The following HTR2A variants were observed in gnomAD, a reference collection of about 807,000 sequenced individuals.
The protein encoded by HTR2A is 5-HT2 receptor.
A neutral mutation model predicts 31.0 loss-of-function variants in HTR2A; 14 were observed. That is an observed-to-expected ratio of 0.45 (90% CI 0.30 to 0.71). The LOEUF (loss-of-function observed/expected upper bound fraction) is 0.71. HTR2A is among the 30% of genes least tolerant of loss of function. The pLI, the probability that HTR2A is intolerant of heterozygous loss-of-function variation, is 0.09. For missense variants in HTR2A, 442 were observed against 573.3 expected (o/e 0.77, Z 2.34); for synonymous variants, 209 against 225.2 (o/e 0.93, Z 0.64).
chr13:46,894,334 C>T (rs1357762504), intron 2 of HTR2A, among the ~76,000 whole-genome samples: 1 of 152,228 alleles, frequency 6.6e-6, no homozygotes. Flanking sequence ...CCTCCTACCC[C>T]CACTGGAGTT....
At position 46,895,866 on chromosome 13, in the gene HTR2A, G is replaced by T; in HGVS notation, c.41C>A (p.Thr14Asn). Residue 14 changes from threonine (T) to asparagine (N), a missense_variant, in exon 2 of 4, where the codon ACT (threonine) becomes AAT (asparagine). Physicochemically the swap from Thr to Asn is moderately conservative, Grantham distance 65. Coordinates refer to ENST00000542664, the MANE Select transcript of HTR2A (RefSeq NM_000621.5). The surrounding 1 kb of genome is among the most constrained non-coding windows in gnomAD (Gnocchi z 4.4). The stretch of plus-strand genomic sequence containing the variant: ...ATTTAATTGCATTAGGGAGTTCGTA[G>T]TTGAGCTCAAAGAAGTATTTTCTTC... ...LCEENTSLSS[T>N]TNSLMQLNDD... The T allele has an allele frequency of 2.5e-6, 4 of 1,613,158 alleles. No individual in the cohort carries two copies. The South Asian group carries it at 4.4e-5, about 18-fold the overall frequency.
At chr13:46,847,709 G>A (rs962141166) in intron 3 of HTR2A, among the ~76,000 whole-genome samples, 1 of 152,134 alleles carries the variant, frequency 6.6e-6, no homozygotes, top group African/African-American at 2.4e-5. Flanking sequence ...GTCCTGATCA[G>A]CTGACACTAT....
At chr13:46,883,631 T>C (rs1386560910) in intron 3 of HTR2A, among the ~76,000 whole-genome samples, 5 of 152,120 alleles carry the variant, frequency 3.3e-5, no homozygotes, top group Non-Finnish European at 7.4e-5. Context: ...GGAAAAAGGA[T>C]ACATCATGAA....
intron 3 of HTR2A, among the ~76,000 whole-genome samples, chr13:46,843,320 A>G (rs113036932): frequency 2.0e-5 from 3 of 152,182 alleles, no homozygotes; most frequent in Non-Finnish European, 4.4e-5. Flanking sequence ...CATAGTATAT[A>G]TAGGGTTCAG....
At chr13:46,882,240 G>A (rs199607805) in intron 3 of HTR2A, among the ~76,000 whole-genome samples, 1 of 116,394 alleles carries the variant, frequency 8.6e-6, no homozygotes, top group Non-Finnish European at 1.9e-5. Flanking sequence ...AAAAAAAAAA[G>A]AGAAAGTACT....
At chr13:46,894,790 A>T (rs898826484) in intron 2 of HTR2A, among the ~76,000 whole-genome samples, 1 of 152,198 alleles carries the variant, frequency 6.6e-6, no homozygotes, top group Non-Finnish European at 1.5e-5. Flanking sequence ...AGAAAGCAAG[A>T]TTAATCCCTT....
At chr13:46,867,594 G>C (rs912977114) in intron 3 of HTR2A, among the ~76,000 whole-genome samples, 4 of 152,228 alleles carry the variant, frequency 2.6e-5, no homozygotes, top group African/African-American at 9.6e-5. Context: ...AATCTTTCAA[G>C]ATGGAGATAG....
chr13:46,885,348 C>T (rs185948027), intron 3 of HTR2A, among the ~76,000 whole-genome samples: 19 of 152,088 alleles, frequency 1.2e-4, no homozygotes, highest in African/African-American at 3.9e-4. Context: ...GTATGGAGGG[C>T]GATTTAAAAC....
intron 3 of HTR2A, among the ~76,000 whole-genome samples, chr13:46,867,003 G>A (rs1169760905): frequency 6.6e-6 from 1 of 152,174 alleles, no homozygotes; most frequent in East Asian, 1.9e-4. Flanking sequence ...TCCAGCCTGG[G>A]TGACAAGAGT....
intron 3 of HTR2A, among the ~76,000 whole-genome samples, chr13:46,866,646 C>T (rs1950820355): frequency 6.6e-6 from 1 of 152,144 alleles, no homozygotes; most frequent in Non-Finnish European, 1.5e-5. Context: ...GTGAACTAGA[C>T]TAAAAACTTC....
Position 46,835,125 on chromosome 13 carries a change from G to A in HTR2A, c.1128C>T (p.Asn376=). 1 of 1,614,088 alleles carries A rather than the reference G, an allele frequency of 6.2e-7. No homozygotes were observed. Among genetic ancestry groups the A allele is most frequent in the Non-Finnish European group, 8.5e-7 (1 of 1,180,002 alleles). The change falls in exon 4 of 4, where the codon AAC becomes AAT. Residue 376 remains asparagine, a synonymous_variant. Coordinates refer to ENST00000542664, the MANE Select transcript of HTR2A (RefSeq NM_000621.5). ...TGTTGAACAGTGTGTAGACTAGTGG[G>A]TTGACTGCTGAAGAGAGATAACCGA... ...VWIGYLSSAV[N]PLVYTLFNKT...
chr13:46,858,603 A>G (rs930973784), intron 3 of HTR2A, among the ~76,000 whole-genome samples: 1 of 152,194 alleles, frequency 6.6e-6, no homozygotes, highest in African/African-American at 2.4e-5. Flanking sequence ...ATGAGTGTGA[A>G]CTGGAAATGG....
chr13:46,864,583 C>G (rs1185953454), intron 3 of HTR2A, among the ~76,000 whole-genome samples: 1 of 152,174 alleles, frequency 6.6e-6, no homozygotes, highest in Non-Finnish European at 1.5e-5. Flanking sequence ...AGGTAGGAGC[C>G]TAAACTTCCG....
In HTR2A at chr13:46,833,367, T is replaced by A. The variant is rs983219760; in HGVS notation, c.*1470A>T. The A allele has an allele frequency of 2.0e-5, 3 of 148,600 alleles. No homozygotes were observed. Among genetic ancestry groups the A allele is most frequent in the African/African-American group, 7.6e-5 (3 of 39,276 alleles). 9.2% of individuals were successfully genotyped at this position (148,600 alleles called of 1,614,324 possible). ...AGTTTAGTCATTTTCTTTTTTTCTT[T>A]CTTTTTTTTTGTGATAGGGTCTCAC... On this transcript the variant is annotated 3_prime_UTR_variant, in exon 4 of 4. Transcript: ENST00000542664.
intron 3 of HTR2A, among the ~76,000 whole-genome samples, chr13:46,878,726 T>G (rs1366872776): frequency 1.3e-5 from 2 of 152,088 alleles, no homozygotes; most frequent in African/African-American, 4.8e-5. Flanking sequence ...GTCCACAGAA[T>G]CAAACAATTG....
At chr13:46,861,901 T>C (rs562713679) in intron 3 of HTR2A, among the ~76,000 whole-genome samples, 1 of 152,338 alleles carries the variant, frequency 6.6e-6, no homozygotes, top group East Asian at 1.9e-4. Context: ...GGTTTCCTCA[T>C]GCCTCTCTAT....
chr13:46,869,045 CGT>C (rs1403092056), intron 3 of HTR2A, among the ~76,000 whole-genome samples: 1 of 151,982 alleles, frequency 6.6e-6, no homozygotes, highest in Non-Finnish European at 1.5e-5. Flanking sequence ...GAAGTAGATA[CGT>C]CACCAAAAGC....
rs1020194063 is a variant in HTR2A, at chr13:46,868,480, T to G, written c.613+23910A>C. Among the ~76,000 whole-genome samples, 8 of 152,272 alleles carry G rather than the reference T, an allele frequency of 5.3e-5. No individual in the cohort carries two copies. The South Asian group carries it at 1.2e-3, about 24-fold the overall frequency. On this transcript the variant is annotated intron_variant, in intron 3 of 3. Transcript: ENST00000542664. The stretch of plus-strand genomic sequence containing the variant: ...GAAAACTCCAACTCAAGGAACTGTG[T>G]ATTACTTGTGTCTAATATTTCCCCA...
At chr13:46,886,846 T>C (rs994149153) in intron 3 of HTR2A, among the ~76,000 whole-genome samples, 5 of 152,202 alleles carry the variant, frequency 3.3e-5, no homozygotes, top group African/African-American at 1.2e-4. Context: ...TCTTACGATG[T>C]TGAGGATATG....
Sources: allele counts gnomAD v4.1 joint callset (sites outside exome capture counted in the v4.1 genomes callset), GRCh38; gene constraint gnomAD v4.1.1; non-coding constraint Gnocchi (gnomAD v3.1); transcripts MANE v1.5; gene names NCBI Gene and HGNC (gene_info 2026-07-23, HGNC 2026-07-21).